RUNX2: variants seen among roughly 807,000 people sequenced by gnomAD.
The protein encoded by RUNX2 is RUNX family transcription factor 2.
A neutral mutation model predicts 51.7 loss-of-function variants in RUNX2; 10 were observed. That is an observed-to-expected ratio of 0.19 (90% CI 0.12 to 0.33). RUNX2 has a LOEUF of 0.33. Among genes scored for constraint, RUNX2 ranks in the 10% least tolerant of loss-of-function variants. The pLI is 1.00. For missense variants in RUNX2, 562 were observed against 691.3 expected, an observed-to-expected ratio of 0.81 and a Z score of 2.10; for synonymous variants, 276 against 273.6, an observed-to-expected ratio of 1.01 and a Z score of -0.09.
chr6:45,541,159 C>G (rs753598886), intron 7 of RUNX2, among the ~76,000 whole-genome samples: 1 of 150,960 alleles, frequency 6.6e-6, no homozygotes, highest in Non-Finnish European at 1.5e-5. Context: ...TCCAACCATG[C>G]ACTGACATTT....
chr6:45,404,706 A>G (rs772017677), intron 2 of RUNX2, among the ~76,000 whole-genome samples: 1 of 152,248 alleles, frequency 6.6e-6, no homozygotes, highest in Non-Finnish European at 1.5e-5. Context: ...ACAATTTACC[A>G]AAAAAGTATA....
intron 2 of RUNX2, among the ~76,000 whole-genome samples, chr6:45,354,449 A>T (rs929250180): frequency 2.6e-5 from 4 of 152,182 alleles, no homozygotes; most frequent in South Asian, 2.1e-4. Flanking sequence ...TCGCTTGGAA[A>T]GGAATCATAG....
At chr6:45,339,604 G>A (rs550286498) in intron 2 of RUNX2, among the ~76,000 whole-genome samples, 42 of 151,610 alleles carry the variant, frequency 2.8e-4, no homozygotes, top group Admixed American at 6.6e-4. Context: ...ATATTAATAA[G>A]GAAAATAAGA....
At chr6:45,511,404 G>T (rs1244521398) in intron 6 of RUNX2, among the ~76,000 whole-genome samples, 1 of 152,142 alleles carries the variant, frequency 6.6e-6, no homozygotes. Context: ...ATTCCAGTAG[G>T]ATTAAAAACA....
At chr6:45,506,537 T>G (rs1446054694) in intron 6 of RUNX2, among the ~76,000 whole-genome samples, 1 of 152,242 alleles carries the variant, frequency 6.6e-6, no homozygotes, top group African/African-American at 2.4e-5. Flanking sequence ...GTCAATTTGT[T>G]GAATTTCTCT....
rs563564547 is a variant in RUNX2, at chr6:45,464,361, C to A, written c.685+26310C>A. Reference sequence around the variant, plus strand: ...TAAAGTTTTCAAATGAATAAGTGAACTGTTAATTGATTGCTAAACCCAAGA... The same window carrying A: ...TAAAGTTTTCAAATGAATAAGTGAAATGTTAATTGATTGCTAAACCCAAGA... On this transcript the variant is annotated intron_variant, in intron 5 of 8. Transcript: ENST00000647337. 2.0e-5 allele frequency among the ~76,000 whole-genome samples: 3 copies of A among 152,194 alleles called. No individual in the cohort carries two copies. In the South Asian group the frequency reaches 6.2e-4, roughly 32 times the overall value.
chr6:45,455,210 T>C (rs1225107614), intron 5 of RUNX2, among the ~76,000 whole-genome samples: 1 of 152,250 alleles, frequency 6.6e-6, no homozygotes, highest in Non-Finnish European at 1.5e-5. Flanking sequence ...TTAAAACAAC[T>C]GCGTTAGAAA....
In RUNX2 at chr6:45,508,947, G is replaced by A. The variant is rs1582187861; in HGVS notation, c.860-3299G>A. On this transcript the variant is annotated intron_variant, in intron 6 of 8. Coordinates refer to ENST00000647337, the MANE Select transcript of RUNX2 (RefSeq NM_001024630.4). ...TGTGCAAGGCATTATACTTAGTTAT[G>A]CTGAATCTGATCTTGGAAGTCTTTA... Among the ~76,000 whole-genome samples, 3 of 152,080 alleles carry A rather than the reference G, an allele frequency of 2.0e-5. No homozygotes were observed. The South Asian group carries it at 6.2e-4, about 32-fold the overall frequency.
chr6:45,368,040 GA>G (rs1329508980), intron 2 of RUNX2, among the ~76,000 whole-genome samples: 1 of 151,976 alleles, frequency 6.6e-6, no homozygotes, highest in Non-Finnish European at 1.5e-5. Context: ...CATTAAAAAA[GA>G]AAAGTCTGTT....
chr6:45,439,775 G>T (rs189700958), intron 5 of RUNX2, among the ~76,000 whole-genome samples: 430 of 152,140 alleles, frequency 2.8e-3, no homozygotes, highest in Non-Finnish European at 4.2e-3. Context: ...AAAGAGGGAA[G>T]GATAGGTGCT....
chr6:45,367,334 G>A (rs568184001), intron 2 of RUNX2, among the ~76,000 whole-genome samples: 26 of 152,174 alleles, frequency 1.7e-4, no homozygotes, highest in Non-Finnish European at 3.5e-4. Flanking sequence ...AGAACATAAT[G>A]CTAAGAAAGA....
intron 2 of RUNX2, among the ~76,000 whole-genome samples, chr6:45,417,357 A>T (rs1214719871): frequency 6.6e-6 from 1 of 152,158 alleles, no homozygotes; most frequent in Non-Finnish European, 1.5e-5. Flanking sequence ...ACATATGGAG[A>T]TGTGTAAGAA....
intron 5 of RUNX2, among the ~76,000 whole-genome samples, chr6:45,448,647 G>C (rs1010753903): frequency 2.0e-5 from 3 of 152,110 alleles, no homozygotes; most frequent in Non-Finnish European, 4.4e-5. Flanking sequence ...TTTCTGCCTT[G>C]CCGTGAACTC....
At chr6:45,483,151 T>G (rs1015855741) in intron 5 of RUNX2, among the ~76,000 whole-genome samples, 2 of 152,212 alleles carry the variant, frequency 1.3e-5, no homozygotes, top group Non-Finnish European at 2.9e-5. Context: ...TGCATGGCTA[T>G]TAATTTCCAG....
In RUNX2 at chr6:45,363,960, C is replaced by T. The variant is rs190143284; in HGVS notation, c.58+35176C>T. Among the ~76,000 whole-genome samples the T allele has an allele frequency of 1.8e-3, 272 of 151,788 alleles. 1 individual carries two copies. Among genetic ancestry groups the T allele is most frequent in the Non-Finnish European group, 2.7e-3 (181 of 67,892 alleles). On this transcript the variant is annotated intron_variant, in intron 2 of 8. Coordinates refer to ENST00000647337, the MANE Select transcript of RUNX2 (RefSeq NM_001024630.4). ...CGAAACCCTGTCTCTACTAAAAATA[C>T]AAAAATTAGCCGGGTGTGGTGGCAT...
intron 7 of RUNX2, among the ~76,000 whole-genome samples, chr6:45,528,078 ACTC>A (rs1563125283): frequency 6.6e-6 from 1 of 151,908 alleles, no homozygotes; most frequent in Non-Finnish European, 1.5e-5. Context: ...GGGCAGGGGA[ACTC>A]CTCTTTTTAA....
chr6:45,347,915 G>T (rs1791220184), intron 2 of RUNX2, among the ~76,000 whole-genome samples: 1 of 152,040 alleles, frequency 6.6e-6, no homozygotes, highest in Non-Finnish European at 1.5e-5. Context: ...ACCTGTGAAT[G>T]AAAAAATTAT....
At chr6:45,397,576 C>T (rs771923713) in intron 2 of RUNX2, among the ~76,000 whole-genome samples, 21 of 152,046 alleles carry the variant, frequency 1.4e-4, no homozygotes, top group Admixed American at 8.5e-4. Flanking sequence ...GGTGTGAAAT[C>T]GTGTCTCATA....
In RUNX2 at chr6:45,422,725, AGC is replaced by A. The variant is rs1453647140; in HGVS notation, c.192_193del (p.Gln65ThrfsTer95). 5.7e-6 allele frequency: 9 copies of A among 1,586,444 alleles called. No individual in the cohort carries two copies. The highest frequency in any genetic ancestry group is 3.5e-5 in the Admixed American group (2 of 56,828). On this transcript the variant is annotated frameshift_variant, in exon 3 of 9. Transcript: ENST00000647337. LOFTEE classifies it high-confidence loss of function. ...CAGCAGCAACAGCAGCAGCAGCAGCAGCAACAGCAGCAGCAGCAGCAGGAGGC... is the reference window on the plus strand; with the variant it reads ...CAGCAGCAACAGCAGCAGCAGCAGCAAACAGCAGCAGCAGCAGCAGGAGGC...
Sources: gnomAD v4.1 joint callset for allele counts (sites outside exome capture counted in the v4.1 genomes callset) on GRCh38, gnomAD v4.1.1 for gene constraint, MANE v1.5 for transcripts, NCBI Gene and HGNC (gene_info 2026-07-23, HGNC 2026-07-21) for gene names.